Variants in IZUMO4 observed in about 807,000 individuals in gnomAD.
IZUMO4 encodes IZUMO family member 4.
In IZUMO4, 51 loss-of-function variants were observed where a neutral mutation model predicts 37.1. That is an observed-to-expected ratio of 1.38 (90% CI 1.10 to 1.74). The LOEUF is 1.74. IZUMO4 is among the 40% of genes most tolerant of loss of function. The pLI is 0.00. For missense variants in IZUMO4, 364 were observed against 299.6 expected (o/e 1.21, Z -1.59); for synonymous variants, 162 against 121.4 (o/e 1.33, Z -2.20).
intron 5 of IZUMO4, 26 bp downstream of exon 5, chr19:2,098,153 C>A: frequency 6.2e-7 from 1 of 1,612,190 alleles, no homozygotes; most frequent in Non-Finnish European, 8.5e-7. Flanking sequence ...CACACCCACC[C>A]GTGCCAGGGC....
rs146424829 is a variant in IZUMO4, at chr19:2,098,097, C to T, written c.443C>T (p.Ser148Leu). The T allele has an allele frequency of 1.7e-3, 2,669 of 1,613,534 alleles. 4 individuals carry two copies. The highest frequency in any genetic ancestry group is 1.8e-3 in the Non-Finnish European group (2,073 of 1,180,014). ...ETISCNNCTD[S>L]HVACFGYNCE... ...ATCTCCTGCAACAACTGCACAGACT[C>T]GCACGTCGCCTGCTTTGGCTATAAC... Residue 148 changes from serine (S) to leucine (L), a missense_variant, in exon 5 of 10, where the codon TCG (serine) becomes TTG (leucine). Ser to Leu is a moderately radical substitution (Grantham distance 145). Transcript: ENST00000395301.
At chr19:2,097,980 A>G in intron 4 of IZUMO4, 25 bp downstream of exon 4, 1 of 1,613,178 alleles carries the variant, frequency 6.2e-7, no homozygotes, top group Non-Finnish European at 8.5e-7. Flanking sequence ...GTCCAGGCTG[A>G]GGGGCGTGCC....
At position 2,097,001 on chromosome 19, in the gene IZUMO4, T is replaced by G; in HGVS notation, c.56T>G (p.Leu19Arg). ...ACGGCGGCGCTGGCCCACGGCTGTCTGCACTGCCACAGCAACTTCTCCAAG... is the reference window on the plus strand; with the variant it reads ...ACGGCGGCGCTGGCCCACGGCTGTCGGCACTGCCACAGCAACTTCTCCAAG... ...CLTAALAHGC[L>R]HCHSNFSKKF... The change falls in exon 1 of 10, where the codon CTG becomes CGG. Residue 19 changes from leucine to arginine, a missense_variant. Transcript: ENST00000395301. 1 of 1,611,026 alleles carries G rather than the reference T, an allele frequency of 6.2e-7. No homozygotes were observed. Among genetic ancestry groups the G allele is most frequent in the Non-Finnish European group, 8.5e-7 (1 of 1,179,872 alleles).
chr19:2,099,580 T>C lies in IZUMO4; in HGVS notation c.*235T>C, dbSNP rs1407437817. 1 of 555,658 alleles carries C rather than the reference T, an allele frequency of 1.8e-6. No individual in the cohort carries two copies. Among genetic ancestry groups the C allele is most frequent in the South Asian group, 2.1e-5 (1 of 46,972 alleles). 34.4% of individuals were successfully genotyped at this position (555,658 alleles called of 1,614,324 possible). ...GGGATGTGATTAAAGTCCCTGATGT[T>C]TCTCTTTGCAGAAGAGTTCTTGTTG... On this transcript the variant is annotated 3_prime_UTR_variant, in exon 10 of 10. Coordinates refer to ENST00000395301, the MANE Select transcript of IZUMO4 (RefSeq NM_001039846.2).
chr19:2,098,105 G>C lies in IZUMO4; in HGVS notation c.451G>C (p.Ala151Pro), dbSNP rs1358911386. 13 of 1,613,488 alleles carry C rather than the reference G, an allele frequency of 8.1e-6. No individual in the cohort carries two copies. Among genetic ancestry groups the C allele is most frequent in the East Asian group, 2.2e-5 (1 of 44,890 alleles). ...CAACAACTGCACAGACTCGCACGTCGCCTGCTTTGGCTATAACTGCGAGTA... is the reference window on the plus strand; with the variant it reads ...CAACAACTGCACAGACTCGCACGTCCCCTGCTTTGGCTATAACTGCGAGTA... ...SCNNCTDSHV[A>P]CFGYNCESSA... Residue 151 changes from alanine (A) to proline (P), a missense_variant, in exon 5 of 10, where the codon GCC (alanine) becomes CCC (proline). Coordinates refer to ENST00000395301, the MANE Select transcript of IZUMO4 (RefSeq NM_001039846.2).
At chr19:2,099,093 C>G (rs560527251) in intron 9 of IZUMO4, 64 bp downstream of exon 9, 3 of 1,504,172 alleles carry the variant, frequency 2.0e-6, no homozygotes, top group Non-Finnish European at 2.8e-6. Context: ...ACCAGCGTGC[C>G]GCGGCCTGCA....
intron 4 of IZUMO4, 32 bp from the exon 5 acceptor site, chr19:2,098,020 G>A (rs776935918): frequency 9.9e-6 from 16 of 1,613,094 alleles, no homozygotes; most frequent in Non-Finnish European, 1.3e-5. Flanking sequence ...GGAGGCTGAG[G>A]GGAGCCCTGG....
rs780438348 is a variant in IZUMO4, at chr19:2,098,102, G to T, written c.448G>T (p.Val150Phe). The change falls in exon 5 of 10, where the codon GTC becomes TTC. Residue 150 changes from valine (V) to phenylalanine (F), a missense_variant. Transcript: ENST00000395301. Reference sequence around the variant, plus strand: ...CTGCAACAACTGCACAGACTCGCACGTCGCCTGCTTTGGCTATAACTGCGA... The same window carrying T: ...CTGCAACAACTGCACAGACTCGCACTTCGCCTGCTTTGGCTATAACTGCGA... Reference protein sequence around the residue: ...ISCNNCTDSHVACFGYNCESS... With the variant: ...ISCNNCTDSHFACFGYNCESS... 1.9e-6 allele frequency: 3 copies of T among 1,613,470 alleles called. No homozygotes were observed. Among genetic ancestry groups the T allele is most frequent in the Non-Finnish European group, 2.5e-6 (3 of 1,180,026 alleles).
rs112673673 is a variant in IZUMO4, at chr19:2,097,422, A to C, written c.299-2A>C. The C allele has an allele frequency of 6.2e-7, 1 of 1,609,284 alleles. No homozygotes were observed. Among genetic ancestry groups the C allele is most frequent in the African/African-American group, 1.4e-5 (1 of 73,772 alleles). On this transcript the variant is annotated splice_acceptor_variant, in intron 2 of 9. Transcript: ENST00000395301. LOFTEE classifies it high-confidence loss of function. ...TGACCTTCTCCTGCCTCGACGACTC[A>C]GGGTATTTCCCCAACGAGCTGCGAA...
chr19:2,098,314 C>G lies in IZUMO4; in HGVS notation c.501C>G (p.Val167=), dbSNP rs779301798. Residue 167 remains valine (V), a synonymous_variant, in exon 6 of 10, where the codon GTC becomes GTG. Transcript: ENST00000395301. Reference sequence around the variant, plus strand: ...CCTCGGCGCAGTGGAAGTCAGCTGTCCAGGGCCTCCTGAACTACATGTGAG... The same window carrying G: ...CCTCGGCGCAGTGGAAGTCAGCTGTGCAGGGCCTCCTGAACTACATGTGAG... ...CESSAQWKSA[V]QGLLNYINNW... 6.2e-7 allele frequency: 1 copy of G among 1,613,976 alleles called. No homozygotes were observed. Among genetic ancestry groups the G allele is most frequent in the Non-Finnish European group, 8.5e-7 (1 of 1,180,024 alleles).
intron 3 of IZUMO4, 187 bp from the exon 4 acceptor site, chr19:2,097,742 C>T (rs2017751697): frequency 1.3e-6 from 1 of 748,146 alleles, no homozygotes; most frequent in Non-Finnish European, 2.2e-6. Flanking sequence ...GAAGTTTGCT[C>T]CATCTCACGC....
chr19:2,099,009 A>G lies in IZUMO4; in HGVS notation c.588A>G (p.Thr196=), dbSNP rs1489726879. The G allele has an allele frequency of 1.2e-6, 2 of 1,613,006 alleles. No individual in the cohort carries two copies. The highest frequency in any genetic ancestry group is 1.7e-6 in the Non-Finnish European group (2 of 1,179,976). ...PRSSAFSWPG[T]HRATPAFLVS... is the part of the protein sequence containing the mutation. ...CCTCTGCCTTCTCCTGGCCTGGGAC[A>G]CACAGAGCCACCCCGGCCTTGTGAG... The change falls in exon 9 of 10, where the codon ACA becomes ACG. Residue 196 remains threonine, a synonymous_variant. Coordinates refer to ENST00000395301, the MANE Select transcript of IZUMO4 (RefSeq NM_001039846.2).
At position 2,097,857 on chromosome 19, in the gene IZUMO4, G is replaced by C. The variant is rs1278120337; in HGVS notation, c.371-72G>C. ...CCGAGGGACAGGCCCTGAGGCTTTG[G>C]AGGGTTGGGAGGAGGCAGGACTGGG... is the stretch of plus-strand genomic sequence containing the variant. On this transcript the variant is annotated intron_variant, in intron 3 of 9. Coordinates refer to ENST00000395301, the MANE Select transcript of IZUMO4 (RefSeq NM_001039846.2). The C allele has an allele frequency of 5.1e-6, 8 of 1,583,108 alleles. No individual in the cohort carries two copies. The East Asian group carries it at 1.1e-4, about 22-fold the overall frequency.
chr19:2,097,066 T>G lies in IZUMO4; in HGVS notation c.121T>G (p.Trp41Gly). The G allele has an allele frequency of 6.2e-7, 1 of 1,612,858 alleles. No homozygotes were observed. The highest frequency in any genetic ancestry group is 1.3e-5 in the African/African-American group (1 of 75,052). ...CCGCCACCATGTGAACTTCAAGTCC[T>G]GGTGGGTGGGCGACATCCCCGTGTC... is the stretch of plus-strand genomic sequence containing the variant. ...FYRHHVNFKS[W>G]WVGDIPVSGA... Residue 41 changes from tryptophan (W) to glycine (G), a missense_variant, in exon 1 of 10, where the codon TGG becomes GGG. Physicochemically the swap from Trp to Gly is radical, Grantham distance 184. Coordinates refer to ENST00000395301, the MANE Select transcript of IZUMO4 (RefSeq NM_001039846.2).
At position 2,099,412 on chromosome 19, in the gene IZUMO4, C is replaced by T. The variant is rs2017852637; in HGVS notation, c.*67C>T. On this transcript the variant is annotated 3_prime_UTR_variant, in exon 10 of 10. Coordinates refer to ENST00000395301, the MANE Select transcript of IZUMO4 (RefSeq NM_001039846.2). ...TCAGCTGGACAGCCCCTGCCTGTCACTCTGGAGCTGGGCTGCTGCTGCCTC... is the reference window on the plus strand; with the variant it reads ...TCAGCTGGACAGCCCCTGCCTGTCATTCTGGAGCTGGGCTGCTGCTGCCTC... The T allele has an allele frequency of 7.6e-6, 9 of 1,184,440 alleles. No individual in the cohort carries two copies. The South Asian group carries it at 1.2e-4, about 15-fold the overall frequency. 73.4% of individuals were successfully genotyped at this position (1,184,440 alleles called of 1,614,324 possible).
In IZUMO4 at chr19:2,097,953, G is replaced by A. The variant is rs769901533; in HGVS notation, c.395G>A (p.Cys132Tyr). The A allele has an allele frequency of 1.9e-6, 3 of 1,613,230 alleles. No individual in the cohort carries two copies. The highest frequency in any genetic ancestry group is 2.5e-6 in the Non-Finnish European group (3 of 1,179,982). The change falls in exon 4 of 10, where the codon TGT (cysteine) becomes TAT (tyrosine). Residue 132 changes from cysteine to tyrosine, a missense_variant and splice_region_variant. Cys to Tyr is a radical substitution (Grantham distance 194). Transcript: ENST00000395301. ...IESRIDCQHR[C>Y]GIFQYETISC... ...GGCCGCATCGACTGTCAGCACCGCT[G>A]TGGTAAGCAAGGCTCCGTCCAGGCT...
intron 8 of IZUMO4, 68 bp from the exon 9 acceptor site, chr19:2,098,908 C>A: frequency 1.3e-6 from 2 of 1,589,546 alleles, no homozygotes; most frequent in Non-Finnish European, 1.7e-6. Context: ...GTGGGGCTCT[C>A]CCTATACCTG....
In IZUMO4 at chr19:2,099,357, C is replaced by T. The variant is rs1568265531; in HGVS notation, c.*12C>T. Reference sequence around the variant, plus strand: ...TCAAGCAGCACTGACAGCAGCTGGGCCTGCCCCAGGGCAACGTGGGGGCGG... The same window carrying T: ...TCAAGCAGCACTGACAGCAGCTGGGTCTGCCCCAGGGCAACGTGGGGGCGG... On this transcript the variant is annotated 3_prime_UTR_variant, in exon 10 of 10. Transcript: ENST00000395301. 1.2e-6 allele frequency: 2 copies of T among 1,602,412 alleles called. No individual in the cohort carries two copies. Among genetic ancestry groups the T allele is most frequent in the Admixed American group, 3.4e-5 (2 of 59,478 alleles).
In IZUMO4 at chr19:2,098,804, G is replaced by T. The variant is rs1438003113; in HGVS notation, c.554G>T (p.Arg185Ile). 1 of 1,600,350 alleles carries T rather than the reference G, an allele frequency of 6.2e-7. No individual in the cohort carries two copies. Among genetic ancestry groups the T allele is most frequent in the Non-Finnish European group, 8.5e-7 (1 of 1,173,198 alleles). ...NNWHKQDTSM[R>I]PRSSAFSWPG... The stretch of plus-strand genomic sequence containing the variant: ...CCTTTCAGACAGGACACGAGCATGA[G>T]GTAAGGCCGCCCTGACCTGGACTTC... Residue 185 changes from arginine to isoleucine, a missense_variant and splice_region_variant, in exon 8 of 10, where the codon AGA (arginine) becomes ATA (isoleucine). Coordinates refer to ENST00000395301, the MANE Select transcript of IZUMO4 (RefSeq NM_001039846.2).
Sources: allele counts gnomAD v4.1 joint callset, GRCh38; gene constraint gnomAD v4.1.1; transcripts MANE v1.5; gene names NCBI Gene and HGNC (gene_info 2026-07-23, HGNC 2026-07-21).